GABBR2: variants seen among roughly 807,000 people sequenced by gnomAD.
GABBR2 encodes the protein gamma-aminobutyric acid type B receptor subunit 2, also known as G-protein coupled receptor 51.
GABBR2 carries 23 observed loss-of-function variants against 105.6 expected under a neutral mutation model. The ratio of observed to expected loss-of-function variants is 0.22; its 90% confidence interval spans 0.16 to 0.31. GABBR2 has a LOEUF of 0.31. Ranked by LOEUF, GABBR2 falls within the 10% of genes least tolerant of loss-of-function variation. The pLI is 1.00. For missense variants in GABBR2, 734 were observed against 1,245.5 expected, an observed-to-expected ratio of 0.59 and a Z score of 6.18; for synonymous variants, 478 against 499.7, an observed-to-expected ratio of 0.96 and a Z score of 0.58.
chr9:98,571,613 T>C (rs1828831485), intron 2 of GABBR2, among the ~76,000 whole-genome samples: 1 of 152,060 alleles, frequency 6.6e-6, no homozygotes, highest in Non-Finnish European at 1.5e-5. Flanking sequence ...AGCCCTAGAA[T>C]TTGCACTGTT....
At chr9:98,482,877 A>C (rs1019537578) in intron 4 of GABBR2, among the ~76,000 whole-genome samples, 12 of 151,732 alleles carry the variant, frequency 7.9e-5, no homozygotes, top group African/African-American at 2.4e-4. Context: ...CATACTCCTC[A>C]TCATCAGCTC....
chr9:98,459,659 G>A (rs577212433), intron 6 of GABBR2, among the ~76,000 whole-genome samples: 4 of 152,298 alleles, frequency 2.6e-5, no homozygotes, highest in African/African-American at 9.6e-5. Flanking sequence ...AAGCAAAAGA[G>A]CCAAGAAAAC....
At chr9:98,437,828 C>A (rs1825954465) in intron 7 of GABBR2, among the ~76,000 whole-genome samples, 1 of 151,646 alleles carries the variant, frequency 6.6e-6, no homozygotes, top group South Asian at 2.1e-4. Context: ...ATCCACCCAT[C>A]TGTATCCATC....
intron 11 of GABBR2, among the ~76,000 whole-genome samples, chr9:98,385,271 A>G (rs1832051503): frequency 6.6e-6 from 1 of 152,146 alleles, no homozygotes; most frequent in South Asian, 2.1e-4. Flanking sequence ...TGACGCGATC[A>G]CAACTCACTG....
At chr9:98,513,712 A>G (rs1039862654) in intron 3 of GABBR2, among the ~76,000 whole-genome samples, 2 of 152,218 alleles carry the variant, frequency 1.3e-5, no homozygotes, top group Non-Finnish European at 2.9e-5. Flanking sequence ...ATGAGATACC[A>G]TCTCACACCA....
intron 7 of GABBR2, among the ~76,000 whole-genome samples, chr9:98,428,644 A>C (rs1412709164): frequency 2.0e-5 from 3 of 152,244 alleles, no homozygotes; most frequent in African/African-American, 7.2e-5. Context: ...TAAGCCAATC[A>C]ATACAGACTA....
intron 1 of GABBR2, among the ~76,000 whole-genome samples, chr9:98,675,149 C>A (rs978823151): frequency 5.9e-5 from 9 of 152,184 alleles, no homozygotes. Flanking sequence ...CCAGGTCAAA[C>A]ACATGGAGAG....
chr9:98,455,863 A>G (rs1019100964), intron 6 of GABBR2, among the ~76,000 whole-genome samples: 3 of 152,136 alleles, frequency 2.0e-5, no homozygotes, highest in Admixed American at 1.3e-4. Context: ...TGCATGACCA[A>G]ATGTGAATGA....
Position 98,306,815 on chromosome 9 carries a change from T to C in GABBR2, c.2005-470A>G, listed in dbSNP as rs1564010145. Among the ~76,000 whole-genome samples, 3 of 152,244 alleles carry C rather than the reference T, an allele frequency of 2.0e-5. No individual in the cohort carries two copies. ...GCAGATCCCTTGTGTCTGAGACTTC[T>C]ATTGTCCCCAAGCACACACAGACAC... is the stretch of plus-strand genomic sequence containing the variant. On this transcript the variant is annotated intron_variant, in intron 14 of 18. Transcript: ENST00000259455. The surrounding 1 kb of genome is among the most constrained non-coding windows in gnomAD (Gnocchi z 5.4).
At chr9:98,493,410 T>TG (rs1166279664) in intron 4 of GABBR2, among the ~76,000 whole-genome samples, 10 of 152,240 alleles carry the variant, frequency 6.6e-5, no homozygotes, top group African/African-American at 2.4e-4. Context: ...TTTTGGATTT[T>TG]GATTCTGTTT....
intron 2 of GABBR2, among the ~76,000 whole-genome samples, chr9:98,542,369 T>C (rs779998409): frequency 3.9e-5 from 6 of 152,226 alleles, no homozygotes; most frequent in Non-Finnish European, 8.8e-5. Context: ...GAAATCATTC[T>C]ACATGCACAA....
intron 1 of GABBR2, among the ~76,000 whole-genome samples, chr9:98,666,736 T>C (rs1019416563): frequency 1.2e-4 from 19 of 152,170 alleles, no homozygotes; most frequent in African/African-American, 4.6e-4. Flanking sequence ...AGCACAGGTC[T>C]AGAGGGCCTG....
chr9:98,472,728 C>T (rs1419917796), intron 6 of GABBR2, among the ~76,000 whole-genome samples: 1 of 152,152 alleles, frequency 6.6e-6, no homozygotes, highest in African/African-American at 2.4e-5. Flanking sequence ...AGTCTGGCAG[C>T]TCTACAGCAT....
chr9:98,299,453 G>C (rs140866335), intron 16 of GABBR2, 100 bp from the exon 17 acceptor site: 1 of 1,224,360 alleles, frequency 8.2e-7, no homozygotes, highest in East Asian at 2.3e-5. Flanking sequence ...GCCTTTACCT[G>C]TATTCAGGAG....
At chr9:98,705,843 G>A (rs1207129969) in intron 1 of GABBR2, among the ~76,000 whole-genome samples, 2 of 152,196 alleles carry the variant, frequency 1.3e-5, no homozygotes, top group Admixed American at 1.3e-4. Context: ...TTGGGAGGCA[G>A]AGGTGGGCAG....
At chr9:98,428,409 T>C (rs1288019915) in intron 7 of GABBR2, among the ~76,000 whole-genome samples, 1 of 152,134 alleles carries the variant, frequency 6.6e-6, no homozygotes, top group Non-Finnish European at 1.5e-5. Flanking sequence ...CTGACCAATC[T>C]CCTTCCTCCT....
intron 7 of GABBR2, among the ~76,000 whole-genome samples, chr9:98,426,584 C>T (rs1056954979): frequency 3.9e-5 from 6 of 152,218 alleles, no homozygotes; most frequent in Non-Finnish European, 5.9e-5. Flanking sequence ...CCCATTCTCC[C>T]TTTTGGCTCA....
intron 6 of GABBR2, among the ~76,000 whole-genome samples, chr9:98,464,634 C>T (rs1320582430): frequency 1.3e-5 from 2 of 152,004 alleles, no homozygotes; most frequent in Non-Finnish European, 2.9e-5. Flanking sequence ...CAGCGACCAT[C>T]GAGAATGGGC....
At chr9:98,631,319 T>C (rs764615265) in intron 1 of GABBR2, among the ~76,000 whole-genome samples, 41 of 152,296 alleles carry the variant, frequency 2.7e-4, no homozygotes, top group Admixed American at 7.2e-4. Context: ...TAACTAACCT[T>C]CCTAAGCCTC....
Sources: allele counts gnomAD v4.1 joint callset (sites outside exome capture counted in the v4.1 genomes callset), GRCh38; gene constraint gnomAD v4.1.1; non-coding constraint Gnocchi (gnomAD v3.1); transcripts MANE v1.5; gene names NCBI Gene and HGNC (gene_info 2026-07-23, HGNC 2026-07-21).